SIPA1L1: variants seen among roughly 807,000 people sequenced by gnomAD.
SIPA1L1 encodes signal induced proliferation associated 1 like 1.
A neutral mutation model predicts 162.7 loss-of-function variants in SIPA1L1; 26 were observed. The ratio of observed to expected loss-of-function variants is 0.16; its 90% CI spans 0.12 to 0.22. The LOEUF (loss-of-function observed/expected upper bound fraction) is 0.22. Among genes scored for constraint, SIPA1L1 ranks in the 10% least tolerant of loss-of-function variants. The pLI, the probability that SIPA1L1 is intolerant of heterozygous loss-of-function variation, is 1.00. For missense variants in SIPA1L1, 1,874 were observed against 2,241.0 expected (o/e 0.84, Z 3.31); for synonymous variants, 829 against 837.4 (o/e 0.99, Z 0.17).
intron 5 of SIPA1L1, among the ~76,000 whole-genome samples, chr14:71,601,018 T>C (rs1264070083): frequency 6.6e-6 from 1 of 152,168 alleles, no homozygotes; most frequent in Non-Finnish European, 1.5e-5. Flanking sequence ...AAGTTTTTTC[T>C]AGATATAAGA....
At chr14:71,650,541 T>G in intron 8 of SIPA1L1, 32 bp downstream of exon 8, 6 of 1,603,002 alleles carry the variant, frequency 3.7e-6, no homozygotes, top group Non-Finnish European at 4.3e-6. Context: ...CTACTAGGCT[T>G]ATTTTCCCCC....
chr14:71,593,819 T>A (rs1187342326), intron 5 of SIPA1L1, among the ~76,000 whole-genome samples: 1 of 152,150 alleles, frequency 6.6e-6, no homozygotes, highest in East Asian at 1.9e-4. Flanking sequence ...ATCAACAGTG[T>A]TGATAGGCTT....
chr14:71,500,515 G>A (rs752201929), intron 2 of SIPA1L1, among the ~76,000 whole-genome samples: 8 of 152,064 alleles, frequency 5.3e-5, no homozygotes, highest in Admixed American at 2.0e-4. Flanking sequence ...AGCTCTGCTC[G>A]TGGAAGTATA....
intron 13 of SIPA1L1, among the ~76,000 whole-genome samples, chr14:71,690,931 A>G (rs2081209681): frequency 6.6e-6 from 1 of 152,198 alleles, no homozygotes; most frequent in South Asian, 2.1e-4. Context: ...CACAAGTTCA[A>G]GCTGACTTGA....
intron 13 of SIPA1L1, among the ~76,000 whole-genome samples, chr14:71,693,662 G>A (rs887667555): frequency 1.3e-5 from 2 of 152,012 alleles, no homozygotes; most frequent in East Asian, 1.9e-4. Context: ...AAACTACTCC[G>A]GTTATAGCAC....
intron 2 of SIPA1L1, among the ~76,000 whole-genome samples, chr14:71,492,257 G>A (rs547887638): frequency 1.3e-5 from 2 of 152,268 alleles, no homozygotes; most frequent in South Asian, 4.2e-4. Context: ...AAGGGGAGAT[G>A]AGGCAGGAGA....
intron 2 of SIPA1L1, among the ~76,000 whole-genome samples, chr14:71,482,051 G>A (rs1439019995): frequency 1.3e-5 from 2 of 152,156 alleles, no homozygotes; most frequent in Non-Finnish European, 2.9e-5. Context: ...TGTTTACCAT[G>A]CTTTTGTTAC....
At chr14:71,541,443 G>GC (rs143471698) in intron 4 of SIPA1L1, among the ~76,000 whole-genome samples, 4,702 of 152,208 alleles carry the variant, frequency 0.031, 256 homozygotes, top group African/African-American at 0.11. Context: ...AAACAGATGG[G>GC]CCAGTGCATG....
At chr14:71,709,802 TG>T (rs1597145825) in intron 17 of SIPA1L1, 138 bp downstream of exon 17, 2 of 664,402 alleles carry the variant, frequency 3.0e-6, no homozygotes, top group East Asian at 5.5e-5. Context: ...ATATGTTTAA[TG>T]CCCTTTATTT....
intron 5 of SIPA1L1, 110 bp downstream of exon 5, chr14:71,589,480 A>T: frequency 1.6e-6 from 1 of 638,424 alleles, no homozygotes; most frequent in Non-Finnish European, 2.6e-6. Flanking sequence ...TGCATGTCTT[A>T]TCTTTCTTGA....
chr14:71,354,612 T>C (rs2037063909), intron 2 of SIPA1L1, among the ~76,000 whole-genome samples: 1 of 150,708 alleles, frequency 6.6e-6, no homozygotes, highest in Non-Finnish European at 1.5e-5. Flanking sequence ...AAAAAGACTG[T>C]GTGTGCCAGG....
intron 2 of SIPA1L1, among the ~76,000 whole-genome samples, chr14:71,346,671 G>T (rs1380475234): frequency 6.6e-6 from 1 of 152,172 alleles, no homozygotes; most frequent in African/African-American, 2.4e-5. Context: ...CATTGGAAAA[G>T]AAGCCAGATT....
At chr14:71,688,091 A>G (rs1396315786) in intron 13 of SIPA1L1, among the ~76,000 whole-genome samples, 1 of 152,194 alleles carries the variant, frequency 6.6e-6, no homozygotes, top group Non-Finnish European at 1.5e-5. Flanking sequence ...ATGAAAATTT[A>G]AAGTTCAGTT....
intron 16 of SIPA1L1, 149 bp downstream of exon 16, chr14:71,705,489 TC>T: frequency 4.4e-6 from 3 of 681,774 alleles, no homozygotes; most frequent in Non-Finnish European, 7.8e-6. Context: ...CCTTGCAGTT[TC>T]TGCTGCCATG....
Position 71,730,231 on chromosome 14 carries a change from G to T in SIPA1L1, c.4791G>T (p.Thr1597=), listed in dbSNP as rs368410593. The change falls in exon 20 of 24, where the codon ACG becomes ACT. Residue 1597 remains threonine, a synonymous_variant. Transcript: ENST00000381232. ...ALPNDVLFSS[T]YPSLPKSLPL... ...CCAACGACGTCCTCTTCAGTAGCAC[G>T]TACCCTTCTCTCCCCAAGTCGCTCC... 6.2e-7 allele frequency: 1 copy of T among 1,613,962 alleles called. No individual in the cohort carries two copies. Among genetic ancestry groups the T allele is most frequent in the East Asian group, 2.2e-5 (1 of 44,880 alleles).
At chr14:71,461,283 A>C (rs1356423375) in intron 2 of SIPA1L1, among the ~76,000 whole-genome samples, 1 of 152,184 alleles carries the variant, frequency 6.6e-6, no homozygotes, top group Non-Finnish European at 1.5e-5. Flanking sequence ...GCAGCTGGCA[A>C]ATTGGGCACT....
chr14:71,417,013 A>G (rs2140438221), intron 2 of SIPA1L1, among the ~76,000 whole-genome samples: 1 of 152,134 alleles, frequency 6.6e-6, no homozygotes. Context: ...GGCCTCCTGA[A>G]GTGCTTGGAA....
chr14:71,370,168 T>A (rs1390308589), intron 2 of SIPA1L1, among the ~76,000 whole-genome samples: 1 of 146,924 alleles, frequency 6.8e-6, no homozygotes, highest in African/African-American at 2.5e-5. Flanking sequence ...TTCTCCTGCC[T>A]AATTGCCCTG....
chr14:71,387,787 G>A (rs1248097176), intron 2 of SIPA1L1, among the ~76,000 whole-genome samples: 2 of 152,166 alleles, frequency 1.3e-5, no homozygotes, highest in African/African-American at 4.8e-5. Context: ...GTAACCCTTC[G>A]TTGCTTAAAT....
Sources: allele counts gnomAD v4.1 joint callset (sites outside exome capture counted in the v4.1 genomes callset), GRCh38; gene constraint gnomAD v4.1.1; transcripts MANE v1.5; gene names NCBI Gene and HGNC (gene_info 2026-07-23, HGNC 2026-07-21).